PCLO: variants seen among roughly 807,000 people sequenced by gnomAD.
PCLO encodes piccolo presynaptic cytomatrix protein, also known as protein piccolo.
A neutral mutation model predicts 427.5 loss-of-function variants in PCLO; 82 were observed. That is an observed-to-expected ratio of 0.19 (90% CI 0.16 to 0.23). The LOEUF (loss-of-function observed/expected upper bound fraction) is 0.23, where lower values mean the gene tolerates loss of function less well. Ranked by LOEUF, PCLO falls within the 10% of genes least tolerant of loss-of-function variation. The probability of loss-of-function intolerance (pLI) is 1.00; values close to 1 mark genes in which losing one functional copy is unlikely to be tolerated. For synonymous variants in PCLO, 2,357 were observed against 2,155.4 expected, an observed-to-expected ratio of 1.09 and a Z score of -2.59; for missense variants, 6,239 against 6,115.9, an observed-to-expected ratio of 1.02 and a Z score of -0.67.
At chr7:83,012,980 GT>G (rs1387238445) in intron 3 of PCLO, among the ~76,000 whole-genome samples, 1 of 152,052 alleles carries the variant, frequency 6.6e-6, no homozygotes, top group Non-Finnish European at 1.5e-5. Flanking sequence ...TGGAAAGAAG[GT>G]GATGAGTTTC....
rs1310671671 is a variant in PCLO at position 82,953,024 on chromosome 7, T to C, written c.7929A>G (p.Gly2643=). Residue 2643 remains glycine (G), a synonymous_variant, in exon 5 of 25, where the codon GGA becomes GGG. Transcript: ENST00000333891. ...GGGTAGCAGAAAATGTCTGTAAAGC[T>C]CCAGAGATGTAGAAGGTCTGTTCTG... ...ISSEQTFYIS[G]ALQTFSATPV... The C allele has an allele frequency of 6.2e-7, 1 of 1,613,918 alleles. No individual in the cohort carries two copies. Among genetic ancestry groups the C allele is most frequent in the Admixed American group, 1.7e-5 (1 of 60,012 alleles).
At chr7:82,896,977 C>G (rs912984884) in intron 9 of PCLO, among the ~76,000 whole-genome samples, 5 of 151,520 alleles carry the variant, frequency 3.3e-5, no homozygotes, top group Admixed American at 3.3e-4. Context: ...TGGCTTGTTT[C>G]AAACAGCTGT....
intron 3 of PCLO, among the ~76,000 whole-genome samples, chr7:83,063,021 C>T (rs1013874): frequency 0.17 from 25,195 of 151,898 alleles, 2,974 homozygotes; most frequent in East Asian, 0.56. Context: ...TATATTTCAG[C>T]GTCATTTGCC....
At chr7:82,959,949 G>A (rs1192066522) in intron 4 of PCLO, among the ~76,000 whole-genome samples, 1 of 152,116 alleles carries the variant, frequency 6.6e-6, no homozygotes, top group East Asian at 1.9e-4. Flanking sequence ...GCCCCATTTG[G>A]ATCTCTTCCC....
At chr7:82,897,026 A>T (rs1793921479) in intron 9 of PCLO, among the ~76,000 whole-genome samples, 1 of 151,730 alleles carries the variant, frequency 6.6e-6, no homozygotes, top group Non-Finnish European at 1.5e-5. Flanking sequence ...AATAAGAAAA[A>T]AAAGGAGACT....
Position 82,949,754 on chromosome 7 carries a change from G to C in PCLO, c.10834C>G (p.Leu3612Val), listed in dbSNP as rs777175772. The C allele has an allele frequency of 1.2e-6, 2 of 1,613,726 alleles. No individual in the cohort carries two copies. Among genetic ancestry groups the C allele is most frequent in the African/African-American group, 2.7e-5 (2 of 74,870 alleles). Residue 3612 changes from leucine to valine, a missense_variant, in exon 6 of 25, where the codon CTG (leucine) becomes GTG (valine). Physicochemically the swap from Leu to Val is conservative, Grantham distance 32. This residue lies in a region of PCLO where 4,677 missense variants were observed against 4,468.4 expected (regional missense o/e 1.05). Coordinates refer to ENST00000333891, the MANE Select transcript of PCLO (RefSeq NM_033026.6). ...GGGGATTTGGGTGGGGAAGGAGCCA[G>C]CTGTACTGTGGAATCTGCCCGGAGG... ...SHLRADSTVQ[L>V]APSPPKSPKV...
intron 6 of PCLO, among the ~76,000 whole-genome samples, chr7:82,929,987 T>G (rs1213933637): frequency 6.6e-6 from 1 of 152,176 alleles, no homozygotes; most frequent in African/African-American, 2.4e-5. Context: ...CATGCAGCTT[T>G]CAGAGCTTAG....
At chr7:82,884,141 A>T (rs1793575941) in intron 9 of PCLO, among the ~76,000 whole-genome samples, 1 of 152,206 alleles carries the variant, frequency 6.6e-6, no homozygotes, top group Non-Finnish European at 1.5e-5. Context: ...TCACATTTCC[A>T]TGAACTTGCA....
At chr7:83,003,684 G>A (rs1787878180) in intron 3 of PCLO, among the ~76,000 whole-genome samples, 1 of 151,766 alleles carries the variant, frequency 6.6e-6, no homozygotes, top group Non-Finnish European at 1.5e-5. Context: ...TGCATCCTAA[G>A]GATAAATCCC....
intron 9 of PCLO, among the ~76,000 whole-genome samples, chr7:82,888,824 A>G (rs1793687956): frequency 6.6e-6 from 1 of 152,138 alleles, no homozygotes; most frequent in Non-Finnish European, 1.5e-5. Flanking sequence ...CATGTTAAGT[A>G]GATAAGTCAC....
Position 82,916,221 on chromosome 7 carries a change from T to C in PCLO, c.11765A>G (p.Tyr3922Cys). ...AGCTTGGAATGTTGGCTGAGTCTGA[T>C]AAGGTGAAACTTGCTGATGGTACAA... ...QTLYHQQVSP[Y>C]QTQPTFQAVA... Residue 3922 changes from tyrosine (Y) to cysteine (C), a missense_variant, in exon 7 of 25, where the codon TAT becomes TGT. By Grantham distance (194) the Tyr-to-Cys change is radical. Transcript: ENST00000333891. 6.2e-7 allele frequency: 1 copy of C among 1,613,696 alleles called. No homozygotes were observed. Among genetic ancestry groups the C allele is most frequent in the Non-Finnish European group, 8.5e-7 (1 of 1,179,742 alleles).
At chr7:83,161,979 C>A (rs930513466) in intron 1 of PCLO, among the ~76,000 whole-genome samples, 1 of 152,298 alleles carries the variant, frequency 6.6e-6, no homozygotes, top group Middle Eastern at 3.4e-3. Flanking sequence ...AGGTAAACAC[C>A]CAGCTCTATC....
chr7:82,996,750 T>G (rs1242952334), intron 3 of PCLO, among the ~76,000 whole-genome samples: 1 of 151,982 alleles, frequency 6.6e-6, no homozygotes, highest in Admixed American at 6.6e-5. Context: ...TTCCAAAAGA[T>G]ACTATAGTGA....
intron 16 of PCLO, 124 bp downstream of exon 16, chr7:82,835,543 C>T (rs762820399): frequency 2.4e-5 from 17 of 695,246 alleles, no homozygotes; most frequent in Non-Finnish European, 4.2e-5. Flanking sequence ...TCAATAGATA[C>T]AAACATGTAG....
chr7:82,949,118 C>G (rs1032653880), intron 6 of PCLO, among the ~76,000 whole-genome samples: 5 of 152,140 alleles, frequency 3.3e-5, no homozygotes, highest in Non-Finnish European at 7.3e-5. Context: ...TTACTGAAAT[C>G]ACAGCTACAG....
In PCLO at chr7:83,106,601, C is replaced by A. The variant is rs13241365; in HGVS notation, c.3300+27649G>T. ...AGTTTTGTGAGAGCAGATGTCATGC[C>A]ATTCTTTTAAAAAAGATCTTGCACA... On this transcript the variant is annotated intron_variant, in intron 3 of 24. Coordinates refer to ENST00000333891, the MANE Select transcript of PCLO (RefSeq NM_033026.6). Among the ~76,000 whole-genome samples, 631 of 152,076 alleles carry A rather than the reference C, an allele frequency of 4.1e-3. 3 individuals are homozygous for A. The highest frequency in any genetic ancestry group is 7.7e-3 in the Non-Finnish European group (522 of 67,984).
intron 3 of PCLO, among the ~76,000 whole-genome samples, chr7:82,984,875 G>T (rs556923480): frequency 1.1e-4 from 17 of 151,958 alleles, no homozygotes; most frequent in Non-Finnish European, 2.2e-4. Flanking sequence ...ATTTTGATTT[G>T]AAAACTATCC....
chr7:82,988,674 G>A (rs531755211), intron 3 of PCLO, among the ~76,000 whole-genome samples: 1 of 152,094 alleles, frequency 6.6e-6, no homozygotes, highest in African/African-American at 2.4e-5. Context: ...TATGATACAT[G>A]TAAGGTATTT....
At chr7:82,935,753 T>C (rs1183775886) in intron 6 of PCLO, among the ~76,000 whole-genome samples, 1 of 151,556 alleles carries the variant, frequency 6.6e-6, no homozygotes, top group Non-Finnish European at 1.5e-5. Flanking sequence ...GAGCAAATTA[T>C]AAATTAAGAT....
Sources: gnomAD v4.1 joint callset for allele counts (sites outside exome capture counted in the v4.1 genomes callset) on GRCh38, gnomAD v4.1.1 for gene constraint, gnomAD v4.1.1 regional missense constraint, MANE v1.5 for transcripts, NCBI Gene and HGNC (gene_info 2026-07-23, HGNC 2026-07-21) for gene names.